Variants in FAM135A observed in about 807,000 individuals in gnomAD.
FAM135A encodes the protein family with sequence similarity 135 member A, also known as protein FAM135A.
FAM135A carries 79 observed loss-of-function variants against 146.8 expected under a neutral mutation model. The observed-to-expected ratio is 0.54, with a 90% CI of 0.45 to 0.65. FAM135A has a LOEUF of 0.65. FAM135A is among the 30% of genes least tolerant of loss of function. The pLI is 0.00. For missense variants in FAM135A, 1,623 were observed against 1,758.2 expected (o/e 0.92, Z 1.38); for synonymous variants, 562 against 603.6 (o/e 0.93, Z 1.01).
At chr6:70,491,530 A>G (rs1562513166) in intron 11 of FAM135A, among the ~76,000 whole-genome samples, 1 of 151,940 alleles carries the variant, frequency 6.6e-6, no homozygotes, top group Non-Finnish European at 1.5e-5. Flanking sequence ...GAGAAACTAA[A>G]TGCTTTAACT....
At chr6:70,546,622 T>A (rs985522727) in intron 20 of FAM135A, among the ~76,000 whole-genome samples, 3 of 152,246 alleles carry the variant, frequency 2.0e-5, no homozygotes, top group African/African-American at 4.8e-5. Flanking sequence ...CTGTATTTTT[T>A]ATAAAAATCA....
rs1182833266 is a variant in FAM135A at position 70,464,638 on chromosome 6, A to ATTTC, written c.158-10752_158-10749dup. Among the ~76,000 whole-genome samples the ATTTC allele has an allele frequency of 4.7e-4, 68 of 143,704 alleles. 1 individual carries two copies. Among genetic ancestry groups the ATTTC allele is most frequent in the African/African-American group, 1.4e-3 (52 of 37,528 alleles). The allele number at this position is 143,704 out of a possible 152,430, so 94.3% of individuals were successfully genotyped here. On this transcript the variant is annotated intron_variant, in intron 5 of 21. Coordinates refer to ENST00000418814, the MANE Select transcript of FAM135A (RefSeq NM_001162529.3). The stretch of plus-strand genomic sequence containing the variant: ...ATATTTCAGTTATTTATTTTTTTAA[A>ATTTC]TTTCTTTCTTTCTTTCTTTCTTTTT...
rs1231938732 is a variant in FAM135A at position 70,526,784 on chromosome 6, C to T, written c.3614+86C>T. 6.8e-6 allele frequency: 5 copies of T among 732,838 alleles called. No individual in the cohort carries two copies. In the Admixed American group the frequency reaches 1.1e-4, roughly 16 times the overall value. 45.4% of individuals were successfully genotyped at this position (732,838 alleles called of 1,614,324 possible). On this transcript the variant is annotated intron_variant, in intron 15 of 21. Transcript: ENST00000418814. Reference sequence around the variant, plus strand: ...ACACACATACACACACACACACACACACACACACACACACACACATATATA... The same window carrying T: ...ACACACATACACACACACACACACATACACACACACACACACACATATATA...
At chr6:70,416,290 CAG>C (rs1234603456) in intron 2 of FAM135A, among the ~76,000 whole-genome samples, 1 of 152,218 alleles carries the variant, frequency 6.6e-6, no homozygotes, top group Admixed American at 6.5e-5. Context: ...GTTTGTAAAA[CAG>C]ATATTCCTTT....
Position 70,482,153 on chromosome 6 carries a change from G to A in FAM135A, c.822G>A (p.Leu274=). 6.2e-7 allele frequency: 1 copy of A among 1,612,854 alleles called. No individual in the cohort carries two copies. The highest frequency in any genetic ancestry group is 8.5e-7 in the Non-Finnish European group (1 of 1,179,462). ...TTCCTTCTTGTCAGAAACTAGAACTGGGTATGTTAAAAGTAGCGAGACTTA... is the reference window on the plus strand; with the variant it reads ...TTCCTTCTTGTCAGAAACTAGAACTAGGTATGTTAAAAGTAGCGAGACTTA... The part of the protein sequence containing the change: ...EEIPSCQKLE[L]EEMDVEARLT... Residue 274 remains leucine (L), a splice_region_variant and synonymous_variant, in exon 10 of 22, where the codon CTG becomes CTA. Coordinates refer to ENST00000418814, the MANE Select transcript of FAM135A (RefSeq NM_001162529.3).
In FAM135A at chr6:70,424,204, G is replaced by A. The variant is rs571071943; in HGVS notation, c.-133-2235G>A. ...CATCTGAAGTTGATGTTGAAAGTTT[G>A]CCCACTTTGAAGGCTATTCAGTTTT... On this transcript the variant is annotated intron_variant, in intron 2 of 21. Transcript: ENST00000418814. 8.5e-5 allele frequency among the ~76,000 whole-genome samples: 13 copies of A among 152,268 alleles called. No homozygotes were observed. In the East Asian group the frequency reaches 1.5e-3, roughly 18 times the overall value.
intron 16 of FAM135A, among the ~76,000 whole-genome samples, chr6:70,531,913 T>G (rs887740178): frequency 1.8e-4 from 22 of 121,344 alleles, no homozygotes; most frequent in Non-Finnish European, 3.1e-4. Context: ...TTTTTTTTTT[T>G]GAGACAGAAT....
intron 4 of FAM135A, among the ~76,000 whole-genome samples, chr6:70,436,942 C>A (rs1280752123): frequency 6.6e-6 from 1 of 152,092 alleles, no homozygotes; most frequent in African/African-American, 2.4e-5. Context: ...TGTCAATTAA[C>A]TAGCTTTAAA....
rs567690234 is a variant in FAM135A at position 70,524,668 on chromosome 6, T to C, written c.1584T>C (p.Ser528=). 3.9e-6 allele frequency: 6 copies of C among 1,550,922 alleles called. No individual in the cohort carries two copies. In the South Asian group the frequency reaches 6.0e-5, roughly 15 times the overall value. Residue 528 remains serine (S), a synonymous_variant, in exon 15 of 22, where the codon AGT becomes AGC. Coordinates refer to ENST00000418814, the MANE Select transcript of FAM135A (RefSeq NM_001162529.3). ...TGGTAGGCTACAAATGTTTGAAAAG[T>C]ACAGCATCAAATGATCTCATTAAAT... ...VVLVGYKCLK[S]TASNDLIKCF...
At chr6:70,460,225 A>T (rs560127666) in intron 5 of FAM135A, among the ~76,000 whole-genome samples, 1 of 152,048 alleles carries the variant, frequency 6.6e-6, no homozygotes, top group Non-Finnish European at 1.5e-5. Context: ...CTCTCCCCCA[A>T]CCTTTTAAAA....
chr6:70,436,194 A>G (rs577979402), intron 4 of FAM135A, among the ~76,000 whole-genome samples: 58 of 152,202 alleles, frequency 3.8e-4, no homozygotes, highest in African/African-American at 1.2e-3. Flanking sequence ...CAAAAAAAAA[A>G]AAAAAAAAGT....
chr6:70,416,955 G>A (rs1241997497), intron 2 of FAM135A, among the ~76,000 whole-genome samples: 1 of 152,118 alleles, frequency 6.6e-6, no homozygotes, highest in Non-Finnish European at 1.5e-5. Flanking sequence ...TTGTTAACAG[G>A]TACATACTTG....
rs542940302 is a variant in FAM135A at position 70,524,116 on chromosome 6, C to A, written c.1253C>A (p.Thr418Asn). ...IFEDRYLDSV[T>N]EDLDAPWMGI... ...GAAGATAGGTATTTAGATTCAGTTA[C>A]TGAAGGTAAGTGTAATCTAACTAAA... The change falls in exon 14 of 22, where the codon ACT becomes AAT. Residue 418 changes from threonine (T) to asparagine (N), a missense_variant. This residue lies in a region of FAM135A where 1,061 missense variants were observed against 1,113.8 expected (regional missense o/e 0.95). Transcript: ENST00000418814. The A allele has an allele frequency of 1.1e-5, 18 of 1,608,998 alleles. No individual in the cohort carries two copies. The East Asian group carries it at 1.3e-4, about 12-fold the overall frequency.
At position 70,433,009 on chromosome 6, in the gene FAM135A, C is replaced by T. The variant is rs115081874; in HGVS notation, c.77+4590C>T. Among the ~76,000 whole-genome samples, 530 of 150,700 alleles carry T rather than the reference C, an allele frequency of 3.5e-3. 6 individuals carry two copies. The highest frequency in any genetic ancestry group is 0.013 in the African/African-American group (516 of 41,076). Reference sequence around the variant, plus strand: ...TAAATGGTATAAGTAATTTAAGTTACAAAAATAAGTTTTTAAACACCCTGT... The same window carrying T: ...TAAATGGTATAAGTAATTTAAGTTATAAAAATAAGTTTTTAAACACCCTGT... On this transcript the variant is annotated intron_variant, in intron 4 of 21. Coordinates refer to ENST00000418814, the MANE Select transcript of FAM135A (RefSeq NM_001162529.3).
At chr6:70,453,971 C>A (rs1777695853) in intron 5 of FAM135A, among the ~76,000 whole-genome samples, 1 of 152,170 alleles carries the variant, frequency 6.6e-6, no homozygotes, top group South Asian at 2.1e-4. Context: ...AGTTCTAGAT[C>A]CTTGAGGAAT....
At chr6:70,552,547 C>T (rs1367316402) in intron 20 of FAM135A, among the ~76,000 whole-genome samples, 1 of 147,214 alleles carries the variant, frequency 6.8e-6, no homozygotes. Flanking sequence ...TGGCTCACTG[C>T]AACCTCCGCC....
intron 12 of FAM135A, among the ~76,000 whole-genome samples, chr6:70,519,274 T>C (rs187208692): frequency 6.6e-6 from 1 of 151,620 alleles, no homozygotes; most frequent in African/African-American, 2.4e-5. Context: ...GCAATCTCAT[T>C]ATCAAACTTG....
intron 2 of FAM135A, among the ~76,000 whole-genome samples, chr6:70,423,856 C>T (rs1769412841): frequency 6.6e-6 from 1 of 152,166 alleles, no homozygotes; most frequent in South Asian, 2.1e-4. Context: ...AATCCAAGCT[C>T]ACTGAGAGGC....
At chr6:70,497,655 T>C (rs1242149326) in intron 11 of FAM135A, among the ~76,000 whole-genome samples, 1 of 152,226 alleles carries the variant, frequency 6.6e-6, no homozygotes, top group African/African-American at 2.4e-5. Flanking sequence ...GCTCTTATTA[T>C]TTTGAGATAC....
Sources: gnomAD v4.1 joint callset for allele counts (sites outside exome capture counted in the v4.1 genomes callset) on GRCh38, gnomAD v4.1.1 for gene constraint, gnomAD v4.1.1 regional missense constraint, MANE v1.5 for transcripts, NCBI Gene and HGNC (gene_info 2026-07-23, HGNC 2026-07-21) for gene names.